RAB11FIP4: variants seen among roughly 807,000 people sequenced by gnomAD.
RAB11FIP4 encodes RAB11 family interacting protein 4.
RAB11FIP4 carries 23 observed loss-of-function variants against 74.3 expected under a neutral mutation model. That is an observed-to-expected ratio of 0.31 (90% CI 0.22 to 0.44). RAB11FIP4 has a LOEUF of 0.44. RAB11FIP4 is among the 20% of genes least tolerant of loss of function. The pLI is 1.00. For missense variants in RAB11FIP4, 630 were observed against 863.9 expected, an observed-to-expected ratio of 0.73 and a Z score of 3.39; for synonymous variants, 360 against 359.9, an observed-to-expected ratio of 1.00 and a Z score of 0.00.
chr17:31,482,743 T>G (rs1212625120), intron 3 of RAB11FIP4, among the ~76,000 whole-genome samples: 3 of 152,144 alleles, frequency 2.0e-5, no homozygotes, highest in Non-Finnish European at 4.4e-5. Context: ...ATTTACCACC[T>G]GGGATGAAAG....
chr17:31,469,995 T>C (rs2071722442), intron 3 of RAB11FIP4, among the ~76,000 whole-genome samples: 1 of 152,180 alleles, frequency 6.6e-6, no homozygotes, highest in African/African-American at 2.4e-5. Flanking sequence ...GCCTCACAGG[T>C]CCTTCCTTCA....
rs1400184217 is a variant in RAB11FIP4, at chr17:31,534,886, C to T, written c.*3154C>T. On this transcript the variant is annotated 3_prime_UTR_variant, in exon 15 of 15. Coordinates refer to ENST00000621161, the MANE Select transcript of RAB11FIP4 (RefSeq NM_032932.6). Reference sequence around the variant, plus strand: ...CCCTTGCGTTCAGTTGGAAGCCACGCAAAATGAACTGAACCAGGAGTGAGC... The same window carrying T: ...CCCTTGCGTTCAGTTGGAAGCCACGTAAAATGAACTGAACCAGGAGTGAGC... The T allele has an allele frequency of 6.5e-6, 1 of 154,232 alleles. No individual in the cohort carries two copies. Among genetic ancestry groups the T allele is most frequent in the East Asian group, 1.9e-4 (1 of 5,194 alleles). The allele number at this position is 154,232 out of a possible 1,614,324, so 9.6% of individuals were successfully genotyped here.
intron 1 of RAB11FIP4, among the ~76,000 whole-genome samples, chr17:31,430,981 C>T (rs575072519): frequency 1.3e-5 from 2 of 152,150 alleles, no homozygotes; most frequent in South Asian, 4.1e-4. Context: ...GACCAAGGGA[C>T]TTGGTGCCTG....
At chr17:31,530,204 T>C in intron 13 of RAB11FIP4, 122 bp from the exon 14 acceptor site, 3 of 1,308,592 alleles carry the variant, frequency 2.3e-6, no homozygotes, top group Non-Finnish European at 3.2e-6. Context: ...GAACCAGCCG[T>C]GACACACACC....
Position 31,467,444 on chromosome 17 carries a change from C to A in RAB11FIP4, c.336+33322C>A, listed in dbSNP as rs955520206. Reference sequence around the variant, plus strand: ...ACTTCCTAGTATTTCCAGAAAAAAACAGAAAGCAGTCTCTTCTTGGTACTC... The same window carrying A: ...ACTTCCTAGTATTTCCAGAAAAAAAAAGAAAGCAGTCTCTTCTTGGTACTC... On this transcript the variant is annotated intron_variant, in intron 3 of 14. Transcript: ENST00000621161. Among the ~76,000 whole-genome samples the A allele has an allele frequency of 6.6e-5, 10 of 152,182 alleles. No individual in the cohort carries two copies. The East Asian group carries it at 1.9e-3, about 29-fold the overall frequency.
At position 31,480,567 on chromosome 17, in the gene RAB11FIP4, C is replaced by T. The variant is rs76375547; in HGVS notation, c.337-37084C>T. ...CACTTTGAGGCCGAGGTGGGTGGAT[C>T]GCTTTAGGTCAGGAGATCGAGACCA... On this transcript the variant is annotated intron_variant, in intron 3 of 14. Transcript: ENST00000621161. Among the ~76,000 whole-genome samples, 1,056 of 152,114 alleles carry T rather than the reference C, an allele frequency of 6.9e-3. 74 individuals are homozygous for T. In the East Asian group the frequency reaches 0.16, roughly 24 times the overall value.
intron 3 of RAB11FIP4, among the ~76,000 whole-genome samples, chr17:31,453,512 A>C (rs1311144590): frequency 3.9e-5 from 6 of 152,100 alleles, no homozygotes; most frequent in Admixed American, 6.6e-5. Flanking sequence ...TTCACTTGCT[A>C]GATGGAGGTT....
At chr17:31,398,708 C>CCTGGCT (rs2070955353) in intron 1 of RAB11FIP4, among the ~76,000 whole-genome samples, 1 of 152,178 alleles carries the variant, frequency 6.6e-6, no homozygotes. Context: ...CAGACCTGGC[C>CCTGGCT]CTGGCTCTGA....
At chr17:31,400,372 AG>A (rs1389360468) in intron 1 of RAB11FIP4, among the ~76,000 whole-genome samples, 1 of 152,216 alleles carries the variant, frequency 6.6e-6, no homozygotes, top group Non-Finnish European at 1.5e-5. Context: ...AGGGGCTTAG[AG>A]GCACAGTGAG....
intron 13 of RAB11FIP4, among the ~76,000 whole-genome samples, chr17:31,530,118 T>C (rs1431370646): frequency 1.3e-5 from 2 of 152,216 alleles, no homozygotes; most frequent in African/African-American, 4.8e-5. Flanking sequence ...ACTCCCAGGA[T>C]GCCAGTCCCC....
At chr17:31,452,220 A>C (rs2071533488) in intron 3 of RAB11FIP4, among the ~76,000 whole-genome samples, 1 of 152,064 alleles carries the variant, frequency 6.6e-6, no homozygotes, top group Non-Finnish European at 1.5e-5. Context: ...GGGCTTTGCC[A>C]GTGTCATTCA....
intron 3 of RAB11FIP4, among the ~76,000 whole-genome samples, chr17:31,451,521 C>T (rs1230340127): frequency 2.0e-5 from 3 of 151,610 alleles, no homozygotes; most frequent in Non-Finnish European, 4.4e-5. Flanking sequence ...TAAGAGCCTC[C>T]AGTGACAAAA....
chr17:31,499,856 A>G (rs2072185390), intron 3 of RAB11FIP4, among the ~76,000 whole-genome samples: 2 of 152,172 alleles, frequency 1.3e-5, no homozygotes, highest in African/African-American at 4.8e-5. Flanking sequence ...CTGAAAGCTA[A>G]GAGGAAAAGC....
At chr17:31,454,746 C>T (rs570716461) in intron 3 of RAB11FIP4, among the ~76,000 whole-genome samples, 163 of 152,138 alleles carry the variant, frequency 1.1e-3, no homozygotes, top group Non-Finnish European at 1.9e-3. Context: ...TAATCAGGCC[C>T]GGTGGTTCCT....
intron 3 of RAB11FIP4, among the ~76,000 whole-genome samples, chr17:31,492,856 A>G (rs1335734656): frequency 1.3e-5 from 1 of 79,864 alleles, no homozygotes; most frequent in Non-Finnish European, 2.6e-5. Flanking sequence ...CCCCCTCAAG[A>G]GCATTGATGA....
chr17:31,426,998 A>T (rs1323850333), intron 1 of RAB11FIP4, among the ~76,000 whole-genome samples: 4 of 144,624 alleles, frequency 2.8e-5, no homozygotes, highest in Non-Finnish European at 4.6e-5. Context: ...TTGCCCTGTC[A>T]CCCAGGCTGG....
intron 3 of RAB11FIP4, among the ~76,000 whole-genome samples, chr17:31,486,896 C>T (rs192867677): frequency 9.8e-5 from 15 of 152,308 alleles, no homozygotes; most frequent in Middle Eastern, 3.4e-3. Context: ...TGCGAATTTA[C>T]TGGCAGGAGA....
intron 3 of RAB11FIP4, among the ~76,000 whole-genome samples, chr17:31,441,376 G>A (rs1461719796): frequency 6.6e-6 from 1 of 151,952 alleles, no homozygotes; most frequent in Non-Finnish European, 1.5e-5. Context: ...TCTTCTTAGG[G>A]TGACTATATT....
At chr17:31,475,650 C>T (rs1009308030) in intron 3 of RAB11FIP4, among the ~76,000 whole-genome samples, 6 of 152,290 alleles carry the variant, frequency 3.9e-5, no homozygotes, top group South Asian at 2.1e-4. Flanking sequence ...AACATTCTCA[C>T]GGTGGTGAAG....
Sources: allele counts gnomAD v4.1 joint callset (sites outside exome capture counted in the v4.1 genomes callset), GRCh38; gene constraint gnomAD v4.1.1; transcripts MANE v1.5; gene names NCBI Gene and HGNC (gene_info 2026-07-23, HGNC 2026-07-21).